ERC2: variants seen among roughly 807,000 people sequenced by gnomAD.
ERC2 encodes the protein ERC protein 2.
ERC2 carries 42 observed loss-of-function variants against 114.8 expected under a neutral mutation model. The observed-to-expected ratio is 0.37, with a 90% CI of 0.29 to 0.47. The LOEUF (loss-of-function observed/expected upper bound fraction) is 0.47, where lower values mean the gene tolerates loss of function less well. Among genes scored for constraint, ERC2 ranks in the 20% least tolerant of loss-of-function variants. ERC2 has a pLI of 0.99. For missense variants in ERC2, 939 were observed against 1,150.7 expected (o/e 0.82, Z 2.66); for synonymous variants, 454 against 425.5 (o/e 1.07, Z -0.82).
chr3:56,089,504 C>A (rs1462849559), intron 6 of ERC2, among the ~76,000 whole-genome samples: 1 of 151,824 alleles, frequency 6.6e-6, no homozygotes, highest in Admixed American at 6.6e-5. Flanking sequence ...TCTATTATAT[C>A]TAAAATATTA....
intron 2 of ERC2, among the ~76,000 whole-genome samples, chr3:56,404,317 T>C (rs1269257378): frequency 6.6e-6 from 1 of 152,212 alleles, no homozygotes; most frequent in African/African-American, 2.4e-5. Context: ...ATCTTTTCTG[T>C]CTCATCCCTA....
Position 55,559,833 on chromosome 3 carries a change from C to A in ERC2, c.*40-48557G>T, listed in dbSNP as rs181124163. On this transcript the variant is annotated intron_variant, in intron 17 of 17. Transcript: ENST00000288221. ...GCTTTGGCCTGTTTCAGCTTCTCCC[C>A]AGGCAAGACCATATTTCACGCTGAA... Among the ~76,000 whole-genome samples the A allele has an allele frequency of 1.1e-3, 169 of 152,354 alleles. 2 individuals carry two copies. The highest frequency in any genetic ancestry group is 8.8e-5 in the Non-Finnish European group (6 of 68,026).
intron 17 of ERC2, among the ~76,000 whole-genome samples, chr3:55,655,860 C>T (rs1442375347): frequency 6.6e-6 from 1 of 152,202 alleles, no homozygotes; most frequent in African/African-American, 2.4e-5. Flanking sequence ...CGTCAGGTGC[C>T]CTGCTAAACC....
At chr3:56,400,200 C>CTGAT (rs1271588050) in intron 2 of ERC2, among the ~76,000 whole-genome samples, 1 of 152,064 alleles carries the variant, frequency 6.6e-6, no homozygotes, top group African/African-American at 2.4e-5. Context: ...TATGGAGGAA[C>CTGAT]TGATAGGATA....
intron 13 of ERC2, among the ~76,000 whole-genome samples, chr3:55,894,998 C>A (rs1370510804): frequency 1.3e-5 from 2 of 152,224 alleles, no homozygotes; most frequent in Non-Finnish European, 2.9e-5. Flanking sequence ...GACTGCCCTA[C>A]ATTCACTCCT....
intron 12 of ERC2, among the ~76,000 whole-genome samples, chr3:55,968,870 T>TA (rs996634531): frequency 2.0e-5 from 3 of 152,146 alleles, no homozygotes; most frequent in Non-Finnish European, 2.9e-5. Flanking sequence ...ATAAGAACTT[T>TA]AAAAAAATAC....
intron 3 of ERC2, among the ~76,000 whole-genome samples, chr3:56,293,380 C>T (rs540180586): frequency 2.0e-5 from 3 of 152,262 alleles, no homozygotes; most frequent in Admixed American, 2.0e-4. Flanking sequence ...CAGGAATGGG[C>T]AAGGGAATGG....
chr3:56,178,079 A>G (rs2083077890), intron 3 of ERC2, among the ~76,000 whole-genome samples: 1 of 152,212 alleles, frequency 6.6e-6, no homozygotes, highest in Non-Finnish European at 1.5e-5. Context: ...TGAAGAGCCT[A>G]GAATTTTGAG....
At chr3:55,812,592 T>C (rs954309094) in intron 14 of ERC2, among the ~76,000 whole-genome samples, 7 of 152,144 alleles carry the variant, frequency 4.6e-5, no homozygotes, top group African/African-American at 1.4e-4. Flanking sequence ...GGAGGTATGA[T>C]GAATGAGCTT....
intron 2 of ERC2, among the ~76,000 whole-genome samples, chr3:56,402,831 G>A (rs995543420): frequency 1.1e-4 from 16 of 151,728 alleles, no homozygotes; most frequent in African/African-American, 3.9e-4. Flanking sequence ...TTTTATTATT[G>A]ATTTATAAAA....
chr3:55,591,576 T>C (rs1007816409), intron 17 of ERC2, among the ~76,000 whole-genome samples: 5 of 98,870 alleles, frequency 5.1e-5, no homozygotes, highest in South Asian at 3.1e-4. Context: ...TTTGTGTGCG[T>C]GTGTGTGTGT....
At chr3:55,786,704 C>A (rs1419727073) in intron 14 of ERC2, among the ~76,000 whole-genome samples, 2 of 152,174 alleles carry the variant, frequency 1.3e-5, no homozygotes, top group Non-Finnish European at 2.9e-5. Flanking sequence ...AGTTCAGGTT[C>A]TTGACTGCAT....
At position 55,992,308 on chromosome 3, in the gene ERC2, G is replaced by C. The variant is rs1186592812; in HGVS notation, c.2062-58C>G. On this transcript the variant is annotated intron_variant, in intron 10 of 17. Coordinates refer to ENST00000288221, the MANE Select transcript of ERC2 (RefSeq NM_015576.3). ...AGACAACAATTTAGAACAATAGACA[G>C]TGCTGTCACCAATGGTCCAGAAATT... 2.8e-6 allele frequency: 4 copies of C among 1,431,796 alleles called. No homozygotes were observed. In the African/African-American group the frequency reaches 5.7e-5, roughly 20 times the overall value. 88.7% of individuals were successfully genotyped at this position (1,431,796 alleles called of 1,614,324 possible).
At chr3:56,198,994 G>C (rs1452206) in intron 3 of ERC2, among the ~76,000 whole-genome samples, 1 of 152,260 alleles carries the variant, frequency 6.6e-6, no homozygotes, top group African/African-American at 2.4e-5. Context: ...TTATGGCTCA[G>C]TTTCTTTATT....
chr3:56,099,933 C>T (rs1054123585), intron 6 of ERC2, among the ~76,000 whole-genome samples: 2 of 152,098 alleles, frequency 1.3e-5, no homozygotes, highest in Non-Finnish European at 2.9e-5. Flanking sequence ...TACATGGAAT[C>T]CCAGCCTTCC....
chr3:55,838,786 C>T (rs938108407), intron 14 of ERC2, among the ~76,000 whole-genome samples: 4 of 151,880 alleles, frequency 2.6e-5, no homozygotes, highest in African/African-American at 9.7e-5. Context: ...AACCCTCAGA[C>T]ATAAATAGGG....
intron 3 of ERC2, among the ~76,000 whole-genome samples, chr3:56,215,653 C>T (rs12638701): frequency 0.45 from 69,036 of 151,956 alleles, 16,139 homozygotes; most frequent in East Asian, 0.71. Flanking sequence ...CTAATAGACA[C>T]CTACAGAACT....
chr3:56,120,134 AAAAG>A (rs1459369239), intron 6 of ERC2, among the ~76,000 whole-genome samples: 2 of 152,278 alleles, frequency 1.3e-5, no homozygotes, highest in East Asian at 1.9e-4. Flanking sequence ...GCATTGAAAA[AAAAG>A]AGAGAGAGAG....
intron 2 of ERC2, among the ~76,000 whole-genome samples, chr3:56,308,239 A>C (rs542731872): frequency 6.6e-5 from 10 of 152,332 alleles, no homozygotes; most frequent in Non-Finnish European, 1.3e-4. Context: ...TCTAAAATTG[A>C]GGTTTCCTCC....
Sources: allele counts gnomAD v4.1 joint callset (sites outside exome capture counted in the v4.1 genomes callset), GRCh38; gene constraint gnomAD v4.1.1; transcripts MANE v1.5; gene names NCBI Gene and HGNC (gene_info 2026-07-23, HGNC 2026-07-21).